ASTN2: variants seen among roughly 807,000 people sequenced by gnomAD.
ASTN2 encodes the protein astrotactin-2.
ASTN2 carries 54 observed loss-of-function variants against 139.8 expected under a neutral mutation model. The observed-to-expected ratio is 0.39, with a 90% CI of 0.31 to 0.48. The LOEUF is 0.48. ASTN2 is among the 20% of genes least tolerant of loss of function. The pLI, the probability that ASTN2 is intolerant of heterozygous loss-of-function variation, is 0.95. For missense variants in ASTN2, 1,565 were observed against 1,725.1 expected (o/e 0.91, Z 1.64); for synonymous variants, 756 against 719.5 (o/e 1.05, Z -0.81).
intron 2 of ASTN2, among the ~76,000 whole-genome samples, chr9:117,216,995 G>A (rs2133028381): frequency 6.6e-6 from 1 of 152,266 alleles, no homozygotes; most frequent in South Asian, 2.1e-4. Context: ...CACACAGTCA[G>A]GATTTAATTC....
At chr9:117,126,654 G>C (rs1829695913) in intron 4 of ASTN2, among the ~76,000 whole-genome samples, 5 of 152,184 alleles carry the variant, frequency 3.3e-5, no homozygotes, top group Admixed American at 3.3e-4. Context: ...CAAGGCAAAG[G>C]AGTAGGAAGC....
intron 10 of ASTN2, among the ~76,000 whole-genome samples, chr9:116,969,443 G>A (rs928961094): frequency 3.3e-5 from 5 of 152,170 alleles, no homozygotes; most frequent in Non-Finnish European, 7.3e-5. Context: ...TCAGTGACAG[G>A]ACTTCTGCAT....
chr9:116,558,146 G>A (rs1400878731), intron 19 of ASTN2, among the ~76,000 whole-genome samples: 1 of 152,164 alleles, frequency 6.6e-6, no homozygotes, highest in Non-Finnish European at 1.5e-5. Flanking sequence ...TCAGACTAAT[G>A]TCAGCACACA....
intron 13 of ASTN2, among the ~76,000 whole-genome samples, chr9:116,768,266 A>G (rs1240610152): frequency 6.6e-6 from 1 of 151,644 alleles, no homozygotes; most frequent in East Asian, 1.9e-4. Context: ...CACATATCCC[A>G]CCTTACCGTG....
chr9:116,701,080 T>G (rs1222015449), intron 16 of ASTN2: 1 of 167,094 alleles, frequency 6.0e-6, no homozygotes, highest in East Asian at 1.9e-4. Flanking sequence ...AGAGGACCTG[T>G]GATGAGGTTC....
At chr9:116,769,293 AC>A (rs1829895513) in intron 13 of ASTN2, among the ~76,000 whole-genome samples, 1 of 152,222 alleles carries the variant, frequency 6.6e-6, no homozygotes, top group South Asian at 2.1e-4. Context: ...ATTGGATATA[AC>A]CATAAATTGG....
chr9:116,856,846 G>T (rs1832753512), intron 11 of ASTN2, among the ~76,000 whole-genome samples: 1 of 152,202 alleles, frequency 6.6e-6, no homozygotes, highest in Admixed American at 6.5e-5. Context: ...ATTGGTTTGA[G>T]ATTGTTCTAG....
At chr9:117,328,976 A>C (rs1828611874) in intron 1 of ASTN2, among the ~76,000 whole-genome samples, 1 of 152,160 alleles carries the variant, frequency 6.6e-6, no homozygotes, top group African/African-American at 2.4e-5. Context: ...TGAACTTTAT[A>C]AGGAAAGCCT....
chr9:117,229,611 C>A (rs1832826445), intron 2 of ASTN2, among the ~76,000 whole-genome samples: 3 of 152,308 alleles, frequency 2.0e-5, no homozygotes, highest in Non-Finnish European at 4.4e-5. Flanking sequence ...TGGGAACTGT[C>A]TAAACTTCAG....
chr9:117,064,133 G>A (rs111951910), intron 5 of ASTN2, among the ~76,000 whole-genome samples: 6 of 151,782 alleles, frequency 4.0e-5, no homozygotes, highest in South Asian at 2.1e-4. Flanking sequence ...CGCTCACAAC[G>A]CAGAAACATC....
At chr9:117,363,207 G>A (rs1048460465) in intron 1 of ASTN2, among the ~76,000 whole-genome samples, 2 of 152,144 alleles carry the variant, frequency 1.3e-5, no homozygotes, top group African/African-American at 2.4e-5. Flanking sequence ...ATGTAACACC[G>A]AAGGTCCATG....
intron 5 of ASTN2, among the ~76,000 whole-genome samples, chr9:117,063,237 A>G (rs1447995611): frequency 1.3e-5 from 2 of 152,220 alleles, no homozygotes; most frequent in African/African-American, 2.4e-5. Context: ...ACATTTCTTC[A>G]GGGTAAAGAA....
intron 1 of ASTN2, among the ~76,000 whole-genome samples, chr9:117,302,149 G>T (rs1471295864): frequency 3.3e-5 from 5 of 152,088 alleles, no homozygotes; most frequent in African/African-American, 1.2e-4. Flanking sequence ...CAGTCACAGA[G>T]ATAAAACTTC....
At chr9:117,231,339 T>C (rs561635889) in intron 2 of ASTN2, among the ~76,000 whole-genome samples, 1 of 152,210 alleles carries the variant, frequency 6.6e-6, no homozygotes, top group East Asian at 1.9e-4. Flanking sequence ...CATCCCTGAC[T>C]AGTCCTTCTT....
At chr9:116,968,954 G>T (rs1836101559) in intron 10 of ASTN2, among the ~76,000 whole-genome samples, 1 of 151,422 alleles carries the variant, frequency 6.6e-6, no homozygotes, top group Non-Finnish European at 1.5e-5. Context: ...CCAGTTCAAG[G>T]TCCTGTGCCT....
intron 10 of ASTN2, among the ~76,000 whole-genome samples, chr9:116,932,188 C>T (rs1405823596): frequency 6.6e-6 from 1 of 152,072 alleles, no homozygotes; most frequent in East Asian, 1.9e-4. Flanking sequence ...CTATGGAGCA[C>T]CTCTTATATG....
At chr9:116,863,476 G>A in intron 11 of ASTN2, 107 bp downstream of exon 11, 1 of 1,423,006 alleles carries the variant, frequency 7.0e-7, no homozygotes, top group Non-Finnish European at 9.6e-7. Flanking sequence ...GATAAGGGTA[G>A]TGTGGATATG....
In ASTN2 at chr9:117,291,297, G is replaced by A. The variant is rs200043072; in HGVS notation, c.630+29C>T. On this transcript the variant is annotated intron_variant, in intron 2 of 22. Transcript: ENST00000313400. ...CCCATTCCTCCCCCACGCAATCCCC[G>A]ACCCCGGTCACATCCCCCCATCACT... 2.6e-4 allele frequency: 388 copies of A among 1,508,162 alleles called. 2 individuals are homozygous for A. The highest frequency in any genetic ancestry group is 7.5e-4 in the Middle Eastern group (4 of 5,316). 93.4% of individuals were successfully genotyped at this position (1,508,162 alleles called of 1,614,324 possible).
At chr9:117,140,568 G>T (rs1830049661) in intron 4 of ASTN2, among the ~76,000 whole-genome samples, 1 of 151,406 alleles carries the variant, frequency 6.6e-6, no homozygotes, top group African/African-American at 2.4e-5. Flanking sequence ...AGGAGGAAGA[G>T]AAGTAGGAGG....
Sources: gnomAD v4.1 joint callset for allele counts (sites outside exome capture counted in the v4.1 genomes callset) on GRCh38, gnomAD v4.1.1 for gene constraint, MANE v1.5 for transcripts, NCBI Gene and HGNC (gene_info 2026-07-23, HGNC 2026-07-21) for gene names.